Variants in MRPL1 observed in about 807,000 individuals in gnomAD.
The protein encoded by MRPL1 is large ribosomal subunit protein uL1m.
Under a neutral mutation model 38.0 loss-of-function variants are expected in MRPL1, and 28 were observed. The ratio of observed to expected loss-of-function variants is 0.74; its 90% CI spans 0.55 to 1.01. The LOEUF is 1.01. MRPL1 is among the 50% of genes least tolerant of loss of function. MRPL1 has a pLI of 0.00. For synonymous variants in MRPL1, 123 were observed against 126.7 expected, an observed-to-expected ratio of 0.97 and a Z score of 0.20; for missense variants, 358 against 389.8, an observed-to-expected ratio of 0.92 and a Z score of 0.69.
At chr4:77,874,125 A>G (rs1268482758) in intron 2 of MRPL1, among the ~76,000 whole-genome samples, 1 of 151,674 alleles carries the variant, frequency 6.6e-6, no homozygotes, top group Non-Finnish European at 1.5e-5. Flanking sequence ...CAGCCTCCTA[A>G]GTAGGCGCCT....
At chr4:77,925,193 A>G (rs1009673811) in intron 7 of MRPL1, among the ~76,000 whole-genome samples, 1 of 152,186 alleles carries the variant, frequency 6.6e-6, no homozygotes, top group Non-Finnish European at 1.5e-5. Flanking sequence ...TAGCATGCAT[A>G]GCCTGAGGCT....
Position 77,946,033 on chromosome 4 carries a change from GT to G in MRPL1, c.778-3758del, listed in dbSNP as rs1274360708. 5.3e-5 allele frequency among the ~76,000 whole-genome samples: 8 copies of G among 152,174 alleles called. No individual in the cohort carries two copies. The South Asian group carries it at 1.0e-3, about 20-fold the overall frequency. On this transcript the variant is annotated intron_variant, in intron 7 of 8. Coordinates refer to ENST00000315567, the MANE Select transcript of MRPL1 (RefSeq NM_020236.4). ...CTGACCTCAAATTCACCAGGGTGGG[GT>G]TTTTTCCCCCACCCTAATAAGACTG...
chr4:77,932,220 G>A (rs1164323220), intron 7 of MRPL1, among the ~76,000 whole-genome samples: 1 of 152,102 alleles, frequency 6.6e-6, no homozygotes, highest in African/African-American at 2.4e-5. Context: ...GAATTACGGG[G>A]GTGACTAGTG....
intron 6 of MRPL1, among the ~76,000 whole-genome samples, chr4:77,898,563 T>C (rs2110242753): frequency 6.6e-6 from 1 of 152,056 alleles, no homozygotes; most frequent in South Asian, 2.1e-4. Context: ...ACATCTCGGC[T>C]CACTGCAACC....
chr4:77,946,406 G>A (rs902408582), intron 7 of MRPL1, among the ~76,000 whole-genome samples: 3 of 152,086 alleles, frequency 2.0e-5, no homozygotes, highest in African/African-American at 7.2e-5. Context: ...AGTTAATGCA[G>A]TCATCACAGT....
At chr4:77,882,207 G>A (rs772908306) in intron 2 of MRPL1, among the ~76,000 whole-genome samples, 3 of 152,146 alleles carry the variant, frequency 2.0e-5, no homozygotes, top group Non-Finnish European at 4.4e-5. Flanking sequence ...CTCTAGTCAT[G>A]TAGAACTTAT....
intron 3 of MRPL1, among the ~76,000 whole-genome samples, chr4:77,884,170 C>T (rs1258698567): frequency 6.6e-6 from 1 of 150,668 alleles, no homozygotes; most frequent in African/African-American, 2.4e-5. Flanking sequence ...TGGATTAGCT[C>T]AGTGTCCTTC....
In MRPL1 at chr4:77,902,335, G is replaced by A. The variant is rs1736053600; in HGVS notation, c.671-6931G>A. 2.0e-5 allele frequency among the ~76,000 whole-genome samples: 3 copies of A among 148,754 alleles called. No homozygotes were observed. In the Admixed American group the frequency reaches 2.0e-4, roughly 10 times the overall value. On this transcript the variant is annotated intron_variant, in intron 6 of 8. Coordinates refer to ENST00000315567, the MANE Select transcript of MRPL1 (RefSeq NM_020236.4). ...GTGGCAGTGCTCTATGATTGTGCCT[G>A]TGCATAGCCACTGTACTCTAGCCAG...
intron 7 of MRPL1, among the ~76,000 whole-genome samples, chr4:77,940,426 C>T (rs977780832): frequency 6.6e-6 from 1 of 152,110 alleles, no homozygotes; most frequent in Non-Finnish European, 1.5e-5. Context: ...ATTCATTTAT[C>T]AGTTATAGGA....
At chr4:77,922,041 T>C (rs1736592788) in intron 7 of MRPL1, among the ~76,000 whole-genome samples, 1 of 152,134 alleles carries the variant, frequency 6.6e-6, no homozygotes, top group Non-Finnish European at 1.5e-5. Context: ...CTTCATGGGA[T>C]AGACGTGTAG....
rs570909115 is a variant in MRPL1, at chr4:77,946,012, C to T, written c.778-3785C>T. Among the ~76,000 whole-genome samples, 23 of 152,198 alleles carry T rather than the reference C, an allele frequency of 1.5e-4. No homozygotes were observed. In the South Asian group the frequency reaches 4.8e-3, roughly 32 times the overall value. ...TTTCGAGAGCAGAGAACTAGTCTGA[C>T]CTCAAATTCACCAGGGTGGGGTTTT... On this transcript the variant is annotated intron_variant, in intron 7 of 8. Coordinates refer to ENST00000315567, the MANE Select transcript of MRPL1 (RefSeq NM_020236.4).
At chr4:77,917,620 G>T (rs776807112) in intron 7 of MRPL1, among the ~76,000 whole-genome samples, 1 of 152,030 alleles carries the variant, frequency 6.6e-6, no homozygotes, top group Admixed American at 6.6e-5. Flanking sequence ...TAACAAATAT[G>T]TAAAAATACT....
In MRPL1 at chr4:77,949,482, G is replaced by C. The variant is rs111285959; in HGVS notation, c.778-315G>C. ...ATGAGAAAATGTCACTGTTTTCTTG[G>C]GGGGTGCGTGTAGGGAATGATGTAT... On this transcript the variant is annotated intron_variant, in intron 7 of 8. Transcript: ENST00000315567. Among the ~76,000 whole-genome samples, 1,351 of 152,138 alleles carry C rather than the reference G, an allele frequency of 8.9e-3. 25 individuals are homozygous for C. The highest frequency in any genetic ancestry group is 0.031 in the African/African-American group (1,274 of 41,500).
At chr4:77,881,707 C>T (rs1022528120) in intron 2 of MRPL1, among the ~76,000 whole-genome samples, 6 of 152,170 alleles carry the variant, frequency 3.9e-5, no homozygotes, top group South Asian at 2.1e-4. Flanking sequence ...TCCCAAAGTG[C>T]TGGAATTGCA....
chr4:77,889,139 C>T (rs538523923), intron 5 of MRPL1, among the ~76,000 whole-genome samples: 25 of 152,326 alleles, frequency 1.6e-4, no homozygotes, highest in African/African-American at 5.5e-4. Context: ...ACCTAATAGA[C>T]ATCTACAGAA....
intron 6 of MRPL1, among the ~76,000 whole-genome samples, chr4:77,900,124 T>C (rs1736002051): frequency 1.3e-5 from 2 of 152,214 alleles, no homozygotes; most frequent in Non-Finnish European, 1.5e-5. Context: ...CCACTATGAT[T>C]ATCATTAGCT....
At chr4:77,883,114 A>C in intron 2 of MRPL1, 128 bp from the exon 3 acceptor site, 1 of 611,134 alleles carries the variant, frequency 1.6e-6, no homozygotes, top group Non-Finnish European at 2.6e-6. Flanking sequence ...ACTGTAAAGC[A>C]GTCTATGCTT....
chr4:77,921,628 A>G (rs996283261), intron 7 of MRPL1, among the ~76,000 whole-genome samples: 7 of 152,228 alleles, frequency 4.6e-5, no homozygotes, highest in African/African-American at 7.2e-5. Flanking sequence ...AAGTTCTGAG[A>G]AAAGTATTAA....
At chr4:77,950,474 G>T (rs1737382885) in intron 8 of MRPL1, among the ~76,000 whole-genome samples, 1 of 152,100 alleles carries the variant, frequency 6.6e-6, no homozygotes. Context: ...AATTTCACTT[G>T]TGGCTGCTTG....
Sources: allele counts gnomAD v4.1 joint callset (sites outside exome capture counted in the v4.1 genomes callset), GRCh38; gene constraint gnomAD v4.1.1; transcripts MANE v1.5; gene names NCBI Gene and HGNC (gene_info 2026-07-23, HGNC 2026-07-21).